The following NT5C2 variants were observed in gnomAD, a reference collection of about 807,000 sequenced individuals.
The protein encoded by NT5C2 is cytosolic purine 5'-nucleotidase.
NT5C2 carries 58 observed loss-of-function variants against 76.1 expected under a neutral mutation model. The ratio of observed to expected loss-of-function variants is 0.76; its 90% confidence interval spans 0.62 to 0.95. The LOEUF is 0.95. NT5C2 is among the 40% of genes least tolerant of loss of function. The pLI is 0.00. For missense variants in NT5C2, 478 were observed against 690.3 expected, an observed-to-expected ratio of 0.69 and a Z score of 3.45; for synonymous variants, 229 against 237.4, an observed-to-expected ratio of 0.96 and a Z score of 0.32.
intron 4 of NT5C2, among the ~76,000 whole-genome samples, chr10:103,132,790 T>G (rs999383482): frequency 3.3e-5 from 5 of 152,114 alleles, no homozygotes; most frequent in Non-Finnish European, 7.3e-5. Flanking sequence ...GACCTTGTGA[T>G]CTGCCTGCCT....
intron 6 of NT5C2, 46 bp from the exon 7 acceptor site, chr10:103,101,372 T>A: frequency 9.3e-7 from 1 of 1,078,970 alleles, no homozygotes; most frequent in Non-Finnish European, 1.4e-6. Context: ...AATAACATTA[T>A]AATAATTGGG....
chr10:103,149,860 T>C (rs1372174844), intron 3 of NT5C2, among the ~76,000 whole-genome samples: 3 of 126,632 alleles, frequency 2.4e-5, no homozygotes, highest in African/African-American at 5.8e-5. Flanking sequence ...CTCTAGTAAT[T>C]AAAAAAAAAA....
intron 1 of NT5C2, among the ~76,000 whole-genome samples, chr10:103,188,986 A>C: frequency 6.6e-6 from 1 of 151,866 alleles, no homozygotes; most frequent in East Asian, 1.9e-4. Context: ...TGGGCAACAA[A>C]GTGAGACTCC....
rs760344212 is a variant in NT5C2, at chr10:103,137,767, C to T, written c.175+1639G>A. Among the ~76,000 whole-genome samples the T allele has an allele frequency of 4.6e-5, 7 of 151,966 alleles. No individual in the cohort carries two copies. In the East Asian group the frequency reaches 5.8e-4, roughly 13 times the overall value. The stretch of plus-strand genomic sequence containing the variant: ...ACTTCTTAAATTAAATGCATTTCCA[C>T]GAGATTGAAAATATTTTACTAAATT... On this transcript the variant is annotated intron_variant, in intron 4 of 18. Transcript: ENST00000404739.
At chr10:103,163,102 G>A (rs2085343667) in intron 3 of NT5C2, among the ~76,000 whole-genome samples, 1 of 152,164 alleles carries the variant, frequency 6.6e-6, no homozygotes, top group African/African-American at 2.4e-5. Context: ...AGAGTGATCA[G>A]TTGCTCTATG....
chr10:103,169,218 T>C (rs1390992756), intron 3 of NT5C2: 1 of 152,212 alleles, frequency 6.6e-6, no homozygotes, highest in Non-Finnish European at 1.5e-5. Flanking sequence ...TATCAACTTG[T>C]ACACCATAAA....
At chr10:103,173,274 T>C (rs1035667468) in intron 3 of NT5C2, among the ~76,000 whole-genome samples, 1 of 152,160 alleles carries the variant, frequency 6.6e-6, no homozygotes, top group African/African-American at 2.4e-5. Flanking sequence ...GACACAATTT[T>C]TAAATTCTGT....
intron 4 of NT5C2, among the ~76,000 whole-genome samples, chr10:103,114,530 C>A (rs905516586): frequency 4.6e-5 from 7 of 152,174 alleles, no homozygotes; most frequent in Non-Finnish European, 1.0e-4. Context: ...ACAGTGTGCA[C>A]CTCTAGCCTA....
At chr10:103,113,104 T>A (rs979573365) in intron 4 of NT5C2, among the ~76,000 whole-genome samples, 3 of 152,176 alleles carry the variant, frequency 2.0e-5, no homozygotes, top group Non-Finnish European at 4.4e-5. Context: ...TGGCCTCAAT[T>A]TTAATTTACT....
intron 9 of NT5C2, 141 bp downstream of exon 9, chr10:103,099,785 T>C: frequency 1.8e-6 from 1 of 552,564 alleles, no homozygotes; most frequent in South Asian, 2.2e-5. Context: ...AAATGTATTC[T>C]AGAGGGCTAT....
rs2066176228 is a variant in NT5C2, at chr10:103,089,641, T to C, written c.*31A>G. 1.9e-6 allele frequency: 3 copies of C among 1,553,940 alleles called. No individual in the cohort carries two copies. Among genetic ancestry groups the C allele is most frequent in the Non-Finnish European group, 2.6e-6 (3 of 1,150,220 alleles). On this transcript the variant is annotated 3_prime_UTR_variant, in exon 19 of 19. Transcript: ENST00000404739. ...CCTGTGAGTCCTGCCAGGACTTGTT[T>C]AATGGGTGCTTGGGGTTTTGGTTTT...
chr10:103,101,138 T>A (rs2069514476), intron 7 of NT5C2, 36 bp from the exon 8 acceptor site: 1 of 1,525,098 alleles, frequency 6.6e-7, no homozygotes, highest in Non-Finnish European at 9.1e-7. Flanking sequence ...TAAGCTATAA[T>A]GAAATAATTC....
chr10:103,164,545 C>T (rs529428382), intron 3 of NT5C2, among the ~76,000 whole-genome samples: 6 of 152,140 alleles, frequency 3.9e-5, no homozygotes, highest in East Asian at 1.9e-4. Context: ...CATGCACCAC[C>T]GCGCCCGGCC....
intron 3 of NT5C2, among the ~76,000 whole-genome samples, chr10:103,156,646 T>C (rs1290628471): frequency 6.6e-6 from 1 of 151,814 alleles, no homozygotes; most frequent in Non-Finnish European, 1.5e-5. Flanking sequence ...TCCCAGCTAC[T>C]CGGGAGGCTG....
intron 4 of NT5C2, among the ~76,000 whole-genome samples, chr10:103,126,210 C>T (rs1035201404): frequency 1.3e-5 from 2 of 152,136 alleles, no homozygotes; most frequent in Non-Finnish European, 2.9e-5. Flanking sequence ...AACACATACC[C>T]GCAGAGGAAG....
In NT5C2 at chr10:103,185,649, C is replaced by CAA. The variant is rs78374465; in HGVS notation, c.-168-4323_-168-4322dup. On this transcript the variant is annotated intron_variant, in intron 1 of 18. Transcript: ENST00000404739. ...GGACAACAGACAAAGACCCTGTCTC[C>CAA]AAAAAAAAAAAAAAGGAAAAAAAAA... Among the ~76,000 whole-genome samples the CAA allele has an allele frequency of 6.4e-3, 452 of 71,102 alleles. 9 individuals are homozygous for CAA. In the East Asian group the frequency reaches 0.11, roughly 17 times the overall value. The allele number at this position is 71,102 out of a possible 152,430, so 46.6% of individuals were successfully genotyped here.
chr10:103,106,864 G>C (rs1715871375), intron 4 of NT5C2, among the ~76,000 whole-genome samples, 158 bp from the exon 5 acceptor site: 1 of 151,930 alleles, frequency 6.6e-6, no homozygotes, highest in African/African-American at 2.4e-5. Flanking sequence ...ATTGCCCCAA[G>C]TAATTAGAGA....
At chr10:103,171,278 T>G (rs1341976208) in intron 3 of NT5C2, among the ~76,000 whole-genome samples, 2 of 152,220 alleles carry the variant, frequency 1.3e-5, no homozygotes, top group Admixed American at 1.3e-4. Flanking sequence ...AACTATATTT[T>G]TCAAAATATT....
intron 6 of NT5C2, chr10:103,105,303 A>T (rs2070936184): frequency 4.6e-6 from 2 of 434,754 alleles, no homozygotes; most frequent in African/African-American, 2.2e-5. Flanking sequence ...AAAATCTCTT[A>T]ATCATTTAAA....
Sources: allele counts gnomAD v4.1 joint callset (sites outside exome capture counted in the v4.1 genomes callset), GRCh38; gene constraint gnomAD v4.1.1; transcripts MANE v1.5; gene names NCBI Gene and HGNC (gene_info 2026-07-23, HGNC 2026-07-21).